The following MRPL1 variants were observed in gnomAD, a reference collection of about 807,000 sequenced individuals.
MRPL1 encodes the protein large ribosomal subunit protein uL1m.
Under a neutral mutation model 38.0 loss-of-function variants are expected in MRPL1, and 28 were observed. That is an observed-to-expected ratio of 0.74 (90% CI 0.55 to 1.01). The LOEUF (loss-of-function observed/expected upper bound fraction) is 1.01, where lower values mean the gene tolerates loss of function less well. Among genes scored for constraint, MRPL1 ranks in the 50% least tolerant of loss-of-function variants. The pLI is 0.00. For missense variants in MRPL1, 358 were observed against 389.8 expected (o/e 0.92, Z 0.69); for synonymous variants, 123 against 126.7 (o/e 0.97, Z 0.20).
intron 6 of MRPL1, among the ~76,000 whole-genome samples, chr4:77,897,099 C>T (rs111735797): frequency 5.9e-5 from 9 of 151,760 alleles, no homozygotes; most frequent in African/African-American, 2.2e-4. Flanking sequence ...CAGAGTTTCC[C>T]TCTGTCGCCC....
At chr4:77,893,153 A>G (rs1735840888) in intron 5 of MRPL1, among the ~76,000 whole-genome samples, 1 of 152,102 alleles carries the variant, frequency 6.6e-6, no homozygotes, top group Non-Finnish European at 1.5e-5. Flanking sequence ...TCATTGGTAA[A>G]ATATTTCTTG....
At chr4:77,922,617 G>A (rs576760614) in intron 7 of MRPL1, among the ~76,000 whole-genome samples, 27 of 152,310 alleles carry the variant, frequency 1.8e-4, no homozygotes, top group African/African-American at 5.8e-4. Context: ...TGAAAGTGAT[G>A]ACACTGACTG....
intron 1 of MRPL1, among the ~76,000 whole-genome samples, chr4:77,869,062 G>A (rs545446560): frequency 6.6e-6 from 1 of 152,314 alleles, no homozygotes; most frequent in South Asian, 2.1e-4. Flanking sequence ...CAGGTGGTAG[G>A]TGATGGTAGC....
intron 7 of MRPL1, among the ~76,000 whole-genome samples, chr4:77,912,841 G>T (rs1736320293): frequency 6.6e-6 from 1 of 152,060 alleles, no homozygotes; most frequent in South Asian, 2.1e-4. Context: ...GACATCAAAA[G>T]AAAACAGTTA....
At chr4:77,944,411 C>T (rs1414947789) in intron 7 of MRPL1, among the ~76,000 whole-genome samples, 1 of 152,200 alleles carries the variant, frequency 6.6e-6, no homozygotes, top group Non-Finnish European at 1.5e-5. Context: ...TCAAAATTCT[C>T]CATCCTTTAA....
intron 7 of MRPL1, among the ~76,000 whole-genome samples, chr4:77,929,559 T>C (rs1462267265): frequency 6.6e-6 from 1 of 152,190 alleles, no homozygotes; most frequent in Non-Finnish European, 1.5e-5. Flanking sequence ...TGCTTTTGCC[T>C]CAGAGCACCC....
intron 1 of MRPL1, 74 bp from the exon 2 acceptor site, chr4:77,871,670 T>C (rs1735284402): frequency 2.9e-6 from 2 of 685,200 alleles, no homozygotes; most frequent in Admixed American, 7.1e-5. Context: ...TTGAAAGTAC[T>C]GACTTTTAAA....
At chr4:77,875,209 A>C (rs1735365112) in intron 2 of MRPL1, among the ~76,000 whole-genome samples, 1 of 152,174 alleles carries the variant, frequency 6.6e-6, no homozygotes, top group South Asian at 2.1e-4. Context: ...GTATATTATG[A>C]ATTAACACGT....
In MRPL1 at chr4:77,883,275, A is replaced by T; in HGVS notation, c.177A>T (p.Glu59Asp). The T allele has an allele frequency of 6.3e-7, 1 of 1,590,554 alleles. No individual in the cohort carries two copies. The highest frequency in any genetic ancestry group is 8.5e-7 in the Non-Finnish European group (1 of 1,173,124). ...AGAAAACAAAAAAAGGTGCTAAAGA[A>T]AAAACACCAGATGAGAAAAAAGATG... The part of the protein sequence containing the change: ...SAKKTKKGAK[E>D]KTPDEKKDEI... Residue 59 changes from glutamate to aspartate, a missense_variant, in exon 3 of 9, where the codon GAA becomes GAT. By Grantham distance (45) the Glu-to-Asp change is conservative (BLOSUM62 2). Coordinates refer to ENST00000315567, the MANE Select transcript of MRPL1 (RefSeq NM_020236.4).
intron 7 of MRPL1, among the ~76,000 whole-genome samples, chr4:77,933,854 A>G (rs1736902977): frequency 6.6e-6 from 1 of 152,244 alleles, no homozygotes; most frequent in East Asian, 1.9e-4. Flanking sequence ...CAGCAGTTCT[A>G]CTGTGGGTTT....
chr4:77,931,936 C>T (rs757251632), intron 7 of MRPL1, among the ~76,000 whole-genome samples: 10 of 152,094 alleles, frequency 6.6e-5, no homozygotes, highest in East Asian at 5.8e-4. Flanking sequence ...AGGAGATGGA[C>T]GCAGAGCACA....
chr4:77,933,715 A>G (rs2110260901), intron 7 of MRPL1, among the ~76,000 whole-genome samples: 1 of 152,348 alleles, frequency 6.6e-6, no homozygotes, highest in Middle Eastern at 3.4e-3. Context: ...AAAATTACTT[A>G]AAGAAATAAT....
intron 6 of MRPL1, among the ~76,000 whole-genome samples, chr4:77,900,791 A>G (rs1179644554): frequency 1.3e-5 from 2 of 152,176 alleles, no homozygotes; most frequent in Non-Finnish European, 2.9e-5. Context: ...CAGAATGAGT[A>G]TTGTGAGAAC....
chr4:77,885,171 A>G (rs1578042176), intron 3 of MRPL1, 85 bp from the exon 4 acceptor site: 1 of 1,025,220 alleles, frequency 9.8e-7, no homozygotes, highest in Non-Finnish European at 1.5e-6. Flanking sequence ...CTGAAAACAA[A>G]ACATGTCCGT....
rs180830101 is a variant in MRPL1, at chr4:77,865,080, G to A, written c.31+2201G>A. Among the ~76,000 whole-genome samples, 110 of 151,856 alleles carry A rather than the reference G, an allele frequency of 7.2e-4. No homozygotes were observed. In the Middle Eastern group the frequency reaches 0.01, roughly 14 times the overall value. On this transcript the variant is annotated intron_variant, in intron 1 of 8. Transcript: ENST00000315567. ...AATTTTTGTATTTTTAGTAGAGGTG[G>A]GGTTTCACCATGTTGGCCAGGCTGG...
chr4:77,946,165 T>G (rs1737263853), intron 7 of MRPL1, among the ~76,000 whole-genome samples: 1 of 152,228 alleles, frequency 6.6e-6, no homozygotes, highest in South Asian at 2.1e-4. Flanking sequence ...AATGCAATTC[T>G]TTTCCTAGGG....
chr4:77,921,010 T>C (rs934443040), intron 7 of MRPL1, among the ~76,000 whole-genome samples: 5 of 152,128 alleles, frequency 3.3e-5, no homozygotes, highest in African/African-American at 1.2e-4. Context: ...CTGCCCACGG[T>C]CGCCTCCCAA....
At position 77,937,131 on chromosome 4, in the gene MRPL1, AAAAAG is replaced by A. The variant is rs1369249730; in HGVS notation, c.778-12663_778-12659del. Among the ~76,000 whole-genome samples the A allele has an allele frequency of 4.6e-5, 7 of 152,236 alleles. No homozygotes were observed. In the East Asian group the frequency reaches 1.4e-3, roughly 29 times the overall value. On this transcript the variant is annotated intron_variant, in intron 7 of 8. Coordinates refer to ENST00000315567, the MANE Select transcript of MRPL1 (RefSeq NM_020236.4). Reference sequence around the variant, plus strand: ...CAGAGTAAAATGCTGTCTCAAAAAAAAAAAGAAGAAAGGTGAATTTAGTGGGTATA... The same window carrying A: ...CAGAGTAAAATGCTGTCTCAAAAAAAAAGAAAGGTGAATTTAGTGGGTATA...
At chr4:77,914,709 T>TTGTGTG (rs370505471) in intron 7 of MRPL1, among the ~76,000 whole-genome samples, 1 of 140,094 alleles carries the variant, frequency 7.1e-6, no homozygotes, top group African/African-American at 2.9e-5. Flanking sequence ...GATGTGGTAT[T>TTGTGTG]TGTGTGTGTG....
Sources: allele counts gnomAD v4.1 joint callset (sites outside exome capture counted in the v4.1 genomes callset), GRCh38; gene constraint gnomAD v4.1.1; transcripts MANE v1.5; gene names NCBI Gene and HGNC (gene_info 2026-07-23, HGNC 2026-07-21).